Variants in PHACTR2 observed in about 807,000 individuals in gnomAD.
PHACTR2 encodes the protein phosphatase and actin regulator 2, also known as chromosome 6 open reading frame 56.
In PHACTR2, 30 loss-of-function variants were observed where a neutral mutation model predicts 76.0. That is an observed-to-expected ratio of 0.39 (90% confidence interval 0.30 to 0.54). The LOEUF (loss-of-function observed/expected upper bound fraction) is 0.54, where lower values mean the gene tolerates loss of function less well. PHACTR2 is among the 20% of genes least tolerant of loss of function. PHACTR2 has a pLI of 0.61. For synonymous variants in PHACTR2, 292 were observed against 292.5 expected, an observed-to-expected ratio of 1.00 and a Z score of 0.02; for missense variants, 696 against 781.1, an observed-to-expected ratio of 0.89 and a Z score of 1.30.
At chr6:143,769,227 T>C (rs978989926) in intron 6 of PHACTR2, among the ~76,000 whole-genome samples, 3 of 152,170 alleles carry the variant, frequency 2.0e-5, no homozygotes, top group Non-Finnish European at 2.9e-5. Context: ...CAGTAACACA[T>C]ATGTGTGATA....
In PHACTR2 at chr6:143,641,178, C is replaced by G. The variant is rs1776556418; in HGVS notation, c.13+32856C>G. Among the ~76,000 whole-genome samples, 1 of 152,104 alleles carries G rather than the reference C, an allele frequency of 6.6e-6. No homozygotes were observed. The highest frequency in any genetic ancestry group is 2.4e-5 in the African/African-American group (1 of 41,392). On this transcript the variant is annotated intron_variant, in intron 1 of 11. Coordinates refer to the PHACTR2 transcript ENST00000305766. The surrounding 1 kb of genome is among the most constrained non-coding windows in gnomAD (Gnocchi z 5.8). ...CTTGCCATTTTATCGCAACATTAAT[C>G]CCACCCTTTGCAGTGGAGACCTCAT...
chr6:143,690,470 AG>A (rs1344187015), intron 1 of PHACTR2, among the ~76,000 whole-genome samples: 1 of 152,042 alleles, frequency 6.6e-6, no homozygotes, highest in Non-Finnish European at 1.5e-5. Context: ...TCTTGAGAAA[AG>A]CTCACGGGGT....
intron 2 of PHACTR2, among the ~76,000 whole-genome samples, chr6:143,714,331 G>C (rs1778253411): frequency 6.6e-6 from 1 of 152,198 alleles, no homozygotes; most frequent in Non-Finnish European, 1.5e-5. Context: ...ACCTTATTGT[G>C]TTCTGCCGCA....
chr6:143,707,344 T>C (rs1223511413), intron 1 of PHACTR2, among the ~76,000 whole-genome samples: 1 of 152,214 alleles, frequency 6.6e-6, no homozygotes, highest in East Asian at 1.9e-4. Flanking sequence ...AAATGCATTC[T>C]CATCGACCTT....
rs1776418339 is a variant in PHACTR2 at position 143,821,589 on chromosome 6, G to A, written c.1923-2085G>A. 6.6e-6 allele frequency among the ~76,000 whole-genome samples: 1 copy of A among 152,206 alleles called. No individual in the cohort carries two copies. The highest frequency in any genetic ancestry group is 6.5e-5 in the Admixed American group (1 of 15,280). On this transcript the variant is annotated intron_variant, in intron 12 of 12. Transcript: ENST00000440869. This position sits in a 1 kb window ranked among gnomAD's most constrained non-coding sequence, Gnocchi z 5.2. ...TAACTGGCATAAGCCAAAGGTTATG[G>A]GAACACAGGAAAGAGAGCAATTAGT...
intron 10 of PHACTR2, among the ~76,000 whole-genome samples, chr6:143,785,262 G>T (rs1015806767): frequency 6.6e-6 from 1 of 152,166 alleles, no homozygotes; most frequent in Non-Finnish European, 1.5e-5. Flanking sequence ...AAACAAAGGG[G>T]TTGCAGGGCC....
Position 143,738,306 on chromosome 6 carries a change from T to G in PHACTR2, c.215-10679T>G, listed in dbSNP as rs1332406932. ...CAGAGGTTGCAGTGAGCCGAGATTG[T>G]GACACTGCACTCCAGCCTGGGCGAC... On this transcript the variant is annotated intron_variant, in intron 2 of 12. Coordinates refer to ENST00000440869, the MANE Select transcript of PHACTR2 (RefSeq NM_001100164.2). The surrounding 1 kb of genome is among the most constrained non-coding windows in gnomAD (Gnocchi z 4.0). 6.6e-6 allele frequency among the ~76,000 whole-genome samples: 1 copy of G among 151,974 alleles called. No individual in the cohort carries two copies. The highest frequency in any genetic ancestry group is 2.1e-4 in the South Asian group (1 of 4,812).
chr6:143,746,334 T>G (rs1779066782), intron 2 of PHACTR2, among the ~76,000 whole-genome samples: 1 of 152,206 alleles, frequency 6.6e-6, no homozygotes, highest in Admixed American at 6.5e-5. Context: ...TTTTGTGTTT[T>G]GGGCAATTTT....
intron 1 of PHACTR2, among the ~76,000 whole-genome samples, chr6:143,572,843 G>A (rs770260979): frequency 5.3e-5 from 8 of 152,146 alleles, no homozygotes; most frequent in African/African-American, 9.7e-5. Context: ...ATGAGCCACC[G>A]TGCCCAGCCA....
chr6:143,602,571 C>T lies in PHACTR2; in HGVS notation c.217+65364C>T, dbSNP rs1235739764. On this transcript the variant is annotated intron_variant, in intron 1 of 11. Coordinates refer to the PHACTR2 transcript ENST00000367584. The surrounding 1 kb of genome is among the most constrained non-coding windows in gnomAD (Gnocchi z 6.1). Reference sequence around the variant, plus strand: ...ACAGCAGGACATTGCAGAAACCTCACCCACAGCCTTCAGCTTTTGGCTCCC... The same window carrying T: ...ACAGCAGGACATTGCAGAAACCTCATCCACAGCCTTCAGCTTTTGGCTCCC... Among the ~76,000 whole-genome samples, 1 of 152,236 alleles carries T rather than the reference C, an allele frequency of 6.6e-6. No individual in the cohort carries two copies. The highest frequency in any genetic ancestry group is 1.9e-4 in the East Asian group (1 of 5,202).
In PHACTR2 at chr6:143,821,492, A is replaced by T. The variant is rs2328519; in HGVS notation, c.1923-2182A>T. Among the ~76,000 whole-genome samples, 2 of 152,256 alleles carry T rather than the reference A, an allele frequency of 1.3e-5. No homozygotes were observed. Among genetic ancestry groups the T allele is most frequent in the South Asian group, 2.1e-4 (1 of 4,834 alleles). On this transcript the variant is annotated intron_variant, in intron 12 of 12. Coordinates refer to ENST00000440869, the MANE Select transcript of PHACTR2 (RefSeq NM_001100164.2). The surrounding 1 kb of genome is among the most constrained non-coding windows in gnomAD (Gnocchi z 5.2). The stretch of plus-strand genomic sequence containing the variant: ...ATGAGTATGTAAAAATGGATAAGAA[A>T]GTTTCCTTCCTCAGCTTCTCATGAT...
At chr6:143,804,710 C>T (rs542054141) in intron 11 of PHACTR2, among the ~76,000 whole-genome samples, 32 of 152,220 alleles carry the variant, frequency 2.1e-4, no homozygotes, top group Non-Finnish European at 3.8e-4. Flanking sequence ...TGATTTTTGC[C>T]ATACTCTTAG....
Position 143,709,214 on chromosome 6 carries a change from ATGG to A in PHACTR2, c.47-2801_47-2799del, listed in dbSNP as rs1778114949. 6.6e-6 allele frequency among the ~76,000 whole-genome samples: 1 copy of A among 152,206 alleles called. No individual in the cohort carries two copies. Among genetic ancestry groups the A allele is most frequent in the Non-Finnish European group, 1.5e-5 (1 of 68,032 alleles). ...CCCCTGTATCTCTATCTGTTGTGCT[ATGG>A]CTGAAAGTAGGGTTAGGAACCACTT... On this transcript the variant is annotated intron_variant, in intron 1 of 12. Coordinates refer to ENST00000440869, the MANE Select transcript of PHACTR2 (RefSeq NM_001100164.2). This position sits in a 1 kb window ranked among gnomAD's most constrained non-coding sequence, Gnocchi z 4.4.
In PHACTR2 at chr6:143,585,170, G is replaced by A. The variant is rs1345191041; in HGVS notation, c.217+47963G>A. 2.0e-5 allele frequency among the ~76,000 whole-genome samples: 3 copies of A among 152,086 alleles called. No individual in the cohort carries two copies. The highest frequency in any genetic ancestry group is 4.4e-5 in the Non-Finnish European group (3 of 68,024). On this transcript the variant is annotated intron_variant, in intron 1 of 11. Transcript: ENST00000367584. The surrounding 1 kb of genome is among the most constrained non-coding windows in gnomAD (Gnocchi z 5.2). ...AGTGGAAGAGTCTAGCAGGCTACAG[G>A]GACAGAGAGTGGGGGCTTAGTGGGG...
intron 11 of PHACTR2, among the ~76,000 whole-genome samples, chr6:143,805,499 A>G (rs1004805273): frequency 6.6e-6 from 1 of 150,606 alleles, no homozygotes; most frequent in Non-Finnish European, 1.5e-5. Flanking sequence ...AAAAAAAAAA[A>G]ACCTCCTTTC....
rs5880566 is a variant in PHACTR2 at position 143,559,690 on chromosome 6, C to CTTTTTTTTTT, written c.217+22510_217+22519dup. Reference sequence around the variant, plus strand: ...TAAAAATACCAGTGATTTTTCTTTTCTTTTTTTTTTTTTTTTTTTTTTTTT... The same window carrying CTTTTTTTTTT: ...TAAAAATACCAGTGATTTTTCTTTTCTTTTTTTTTTTTTTTTTTTTTTTTTTTTTTTTTTT... On this transcript the variant is annotated intron_variant, in intron 1 of 11. Transcript: ENST00000367584. Among the ~76,000 whole-genome samples, 9 of 31,902 alleles carry CTTTTTTTTTT rather than the reference C, an allele frequency of 2.8e-4. 2 individuals carry two copies. Among genetic ancestry groups the CTTTTTTTTTT allele is most frequent in the African/African-American group, 3.8e-4 (3 of 7,882 alleles). The allele number at this position is 31,902 out of a possible 152,430, so 20.9% of individuals were successfully genotyped here.
intron 1 of PHACTR2, among the ~76,000 whole-genome samples, chr6:143,622,402 G>A (rs146188034): frequency 1.1e-4 from 17 of 152,202 alleles, no homozygotes; most frequent in African/African-American, 2.6e-4. Flanking sequence ...TTCTCCTCGC[G>A]TACATCTGGT....
At position 143,539,796 on chromosome 6, in the gene PHACTR2, C is replaced by T. The variant is rs1006186318; in HGVS notation, c.217+2589C>T. Among the ~76,000 whole-genome samples the T allele has an allele frequency of 6.6e-6, 1 of 152,174 alleles. No homozygotes were observed. The highest frequency in any genetic ancestry group is 1.5e-5 in the Non-Finnish European group (1 of 68,016). On this transcript the variant is annotated intron_variant, in intron 1 of 11. Transcript: ENST00000367584. The surrounding 1 kb of genome is among the most constrained non-coding windows in gnomAD (Gnocchi z 4.3). ...ATTTTAATAAGATCCCCAGGTTGTTCTTAGTCACCTTGCAGTTTGAAAAGT... is the reference window on the plus strand; with the variant it reads ...ATTTTAATAAGATCCCCAGGTTGTTTTTAGTCACCTTGCAGTTTGAAAAGT...
intron 1 of PHACTR2, among the ~76,000 whole-genome samples, chr6:143,692,345 G>C (rs561469144): frequency 2.7e-4 from 41 of 152,310 alleles, no homozygotes; most frequent in African/African-American, 6.0e-4. Context: ...AAAGAGCCGG[G>C]TGAGAATGGA....
Sources: allele counts gnomAD v4.1 joint callset (sites outside exome capture counted in the v4.1 genomes callset), GRCh38; gene constraint gnomAD v4.1.1; non-coding constraint Gnocchi (gnomAD v3.1); transcripts MANE v1.5; gene names NCBI Gene and HGNC (gene_info 2026-07-23, HGNC 2026-07-21).